The following ZBTB16 variants were observed in gnomAD, a reference collection of about 807,000 sequenced individuals.
ZBTB16 encodes zinc finger and BTB domain-containing protein 16.
Under a neutral mutation model 56.8 loss-of-function variants are expected in ZBTB16, and 8 were observed. The observed-to-expected ratio is 0.14, with a 90% CI of 0.08 to 0.25. The LOEUF is 0.25. ZBTB16 is among the 10% of genes least tolerant of loss of function. The probability of loss-of-function intolerance (pLI) is 1.00; values close to 1 mark genes in which losing one functional copy is unlikely to be tolerated. For synonymous variants in ZBTB16, 363 were observed against 368.5 expected, an observed-to-expected ratio of 0.98 and a Z score of 0.17; for missense variants, 625 against 903.0, an observed-to-expected ratio of 0.69 and a Z score of 3.95.
rs773801156 is a variant in ZBTB16 at position 114,210,192 on chromosome 11, T to TGTGTGTGCGC, written c.1453+23155_1453+23156insTGTGTGCGCG. 3.9e-3 allele frequency among the ~76,000 whole-genome samples: 562 copies of TGTGTGTGCGC among 143,318 alleles called. 2 individuals are homozygous for TGTGTGTGCGC. Among genetic ancestry groups the TGTGTGTGCGC allele is most frequent in the Non-Finnish European group, 4.4e-3 (281 of 64,438 alleles). 94.0% of individuals were successfully genotyped at this position (143,318 alleles called of 152,430 possible). ...GTGTGTGTGTGTGTGTGTGTGTGTG[T>TGTGTGTGCGC]GCGTGCGCGCGCGTGCACAGTTTGT... On this transcript the variant is annotated intron_variant, in intron 4 of 6. Transcript: ENST00000335953.
intron 2 of ZBTB16, among the ~76,000 whole-genome samples, chr11:114,101,666 G>A (rs932046333): frequency 3.9e-5 from 6 of 152,170 alleles, no homozygotes; most frequent in Admixed American, 2.6e-4. Flanking sequence ...AATTGGGGAC[G>A]ATATTGCCTA....
intron 3 of ZBTB16, among the ~76,000 whole-genome samples, chr11:114,166,180 G>A (rs896309280): frequency 6.6e-6 from 1 of 150,852 alleles, no homozygotes; most frequent in Non-Finnish European, 1.5e-5. Flanking sequence ...TGCAAGTATC[G>A]TGGGGCAGAG....
intron 2 of ZBTB16, among the ~76,000 whole-genome samples, chr11:114,096,939 C>T (rs191440440): frequency 3.3e-5 from 5 of 152,236 alleles, no homozygotes; most frequent in African/African-American, 1.2e-4. Context: ...TGTGTATACA[C>T]ACACACACAC....
intron 3 of ZBTB16, among the ~76,000 whole-genome samples, chr11:114,173,000 TTGTAA>T (rs898794658): frequency 1.3e-5 from 2 of 152,128 alleles, no homozygotes; most frequent in African/African-American, 2.4e-5. Flanking sequence ...AGTGCCGTAG[TTGTAA>T]TGTAACACCT....
At chr11:114,085,500 T>TTGTGTG (rs35497691) in intron 2 of ZBTB16, among the ~76,000 whole-genome samples, 1 of 151,072 alleles carries the variant, frequency 6.6e-6, no homozygotes, top group African/African-American at 2.4e-5. Flanking sequence ...GTGTATGACT[T>TTGTGTG]TGTGTGTGTG....
intron 2 of ZBTB16, among the ~76,000 whole-genome samples, chr11:114,103,923 C>A (rs1476456439): frequency 6.6e-6 from 1 of 152,162 alleles, no homozygotes; most frequent in Non-Finnish European, 1.5e-5. Context: ...AGAAATCTAA[C>A]AAACTATTCT....
At chr11:114,193,144 C>T (rs1017008785) in intron 4 of ZBTB16, among the ~76,000 whole-genome samples, 13 of 152,234 alleles carry the variant, frequency 8.5e-5, no homozygotes, top group South Asian at 6.2e-4. Flanking sequence ...GGATGGGGCT[C>T]CTCAGCTGGA....
chr11:114,208,005 T>A (rs1245599923), intron 4 of ZBTB16, among the ~76,000 whole-genome samples: 1 of 152,226 alleles, frequency 6.6e-6, no homozygotes, highest in East Asian at 1.9e-4. Context: ...CACTTCGGCC[T>A]CCCAAAGTGT....
chr11:114,121,225 G>C (rs926371077), intron 2 of ZBTB16, among the ~76,000 whole-genome samples: 5 of 152,194 alleles, frequency 3.3e-5, no homozygotes, highest in Admixed American at 1.3e-4. Context: ...CTGTGGTGTA[G>C]ATACTCCCAC....
chr11:114,064,499 G>A lies in ZBTB16; in HGVS notation c.1199G>A (p.Arg400Gln), dbSNP rs975898658. 3.7e-5 allele frequency: 60 copies of A among 1,614,094 alleles called. No individual in the cohort carries two copies. Among genetic ancestry groups the A allele is most frequent in the Non-Finnish European group, 4.9e-5 (58 of 1,180,034 alleles). ...ELAVGMKSES[R>Q]TIGEQCSVCG... The stretch of plus-strand genomic sequence containing the variant: ...GCTGTGGGCATGAAGTCAGAGAGCC[G>A]GACCATCGGAGAGCAGTGCAGCGTG... The change falls in exon 2 of 7, where the codon CGG (arginine) becomes CAG (glutamine). Residue 400 changes from arginine (R) to glutamine (Q), a missense_variant. Arg to Gln is a conservative substitution (Grantham distance 43, BLOSUM62 1). Around this residue, in one of 6 missense-constraint regions of ZBTB16, gnomAD observed 384 missense variants for 393.5 expected, o/e 0.98. Transcript: ENST00000335953. This position sits in a 1 kb window ranked among gnomAD's most constrained non-coding sequence, Gnocchi z 4.2.
intron 2 of ZBTB16, among the ~76,000 whole-genome samples, chr11:114,117,769 G>A (rs969244933): frequency 2.6e-5 from 4 of 152,216 alleles, no homozygotes; most frequent in Admixed American, 6.5e-5. Context: ...TAATTCATTT[G>A]CATTCATTGA....
intron 4 of ZBTB16, among the ~76,000 whole-genome samples, chr11:114,190,352 T>A (rs1046385274): frequency 6.6e-5 from 10 of 152,298 alleles, no homozygotes; most frequent in African/African-American, 1.9e-4. Context: ...TTAATCCAAC[T>A]AACCTACTGA....
At chr11:114,109,398 A>G (rs1940921639) in intron 2 of ZBTB16, among the ~76,000 whole-genome samples, 1 of 152,296 alleles carries the variant, frequency 6.6e-6, no homozygotes. Context: ...TTTTCCTCAC[A>G]TCTCAGATTC....
intron 4 of ZBTB16, among the ~76,000 whole-genome samples, chr11:114,230,633 G>GC (rs1555159024): frequency 7.5e-6 from 1 of 133,730 alleles, no homozygotes; most frequent in Non-Finnish European, 1.6e-5. Context: ...ATCTTCTGTG[G>GC]GGGGGGGGCG....
In ZBTB16 at chr11:114,077,471, A is replaced by ATT. The variant is rs11448689; in HGVS notation, c.1268+12911_1268+12912dup. 6.6e-5 allele frequency among the ~76,000 whole-genome samples: 10 copies of ATT among 150,990 alleles called. No individual in the cohort carries two copies. In the East Asian group the frequency reaches 1.8e-3, roughly 26 times the overall value. Reference sequence around the variant, plus strand: ...ACCCAGAACTCCTTGTTTTCTATGCATTTTTTTTTCCTACTGCCCTCTGAC... The same window carrying ATT: ...ACCCAGAACTCCTTGTTTTCTATGCATTTTTTTTTTTCCTACTGCCCTCTGAC... On this transcript the variant is annotated intron_variant, in intron 2 of 6. Transcript: ENST00000335953.
chr11:114,091,487 C>G (rs576478118), intron 2 of ZBTB16, among the ~76,000 whole-genome samples: 1 of 151,660 alleles, frequency 6.6e-6, no homozygotes, highest in Non-Finnish European at 1.5e-5. Flanking sequence ...TCACCGTAGA[C>G]GTCCGAGCAG....
intron 2 of ZBTB16, among the ~76,000 whole-genome samples, chr11:114,151,443 G>A (rs1367851395): frequency 6.6e-6 from 1 of 152,208 alleles, no homozygotes; most frequent in Non-Finnish European, 1.5e-5. Context: ...AAAGGCGGGA[G>A]AGAGCAGTGG....
intron 1 of ZBTB16, chr11:114,061,394 G>C (rs907236102): frequency 3.9e-5 from 6 of 152,228 alleles, no homozygotes; most frequent in African/African-American, 1.4e-4. Context: ...CGATGTCTGC[G>C]GGAAAGCACG....
intron 2 of ZBTB16, among the ~76,000 whole-genome samples, chr11:114,133,683 T>C (rs968047682): frequency 6.6e-6 from 1 of 152,110 alleles, no homozygotes. Context: ...GTTTACTAGA[T>C]CAGGGACTTT....
Sources: gnomAD v4.1 joint callset for allele counts (sites outside exome capture counted in the v4.1 genomes callset) on GRCh38, gnomAD v4.1.1 for gene constraint, gnomAD v4.1.1 regional missense constraint, Gnocchi (gnomAD v3.1) non-coding constraint, MANE v1.5 for transcripts, NCBI Gene and HGNC (gene_info 2026-07-23, HGNC 2026-07-21) for gene names.